The following MCC variants were observed in gnomAD, a reference collection of about 807,000 sequenced individuals.
MCC encodes the protein colorectal mutant cancer protein.
MCC carries 90 observed loss-of-function variants against 116.2 expected under a neutral mutation model. That is an observed-to-expected ratio of 0.77 (90% CI 0.65 to 0.92). The LOEUF is 0.92. Among genes scored for constraint, MCC ranks in the 40% least tolerant of loss-of-function variants. The pLI, the probability that MCC is intolerant of heterozygous loss-of-function variation, is 0.00. For synonymous variants in MCC, 578 were observed against 510.5 expected (o/e 1.13, Z -1.78); for missense variants, 1,516 against 1,312.2 (o/e 1.16, Z -2.40).
intron 3 of MCC, among the ~76,000 whole-genome samples, chr5:113,170,312 T>G (rs1761005527): frequency 6.6e-6 from 1 of 152,230 alleles, no homozygotes; most frequent in African/African-American, 2.4e-5. Flanking sequence ...GGACTTTACT[T>G]CTAATCCATG....
At chr5:113,183,045 G>A (rs1467886462) in intron 3 of MCC, among the ~76,000 whole-genome samples, 3 of 152,212 alleles carry the variant, frequency 2.0e-5, no homozygotes, top group Non-Finnish European at 4.4e-5. Flanking sequence ...GAGAGCTGGG[G>A]AGGGTGTCCA....
At chr5:113,294,489 T>C (rs1766643320) in intron 3 of MCC, 1 of 1,581,854 alleles carries the variant, frequency 6.3e-7, no homozygotes, top group Non-Finnish European at 8.6e-7. Context: ...TGCCACATTT[T>C]AGTCTAGACA....
At chr5:113,101,496 T>A (rs989871794) in intron 8 of MCC, 3 of 528,424 alleles carry the variant, frequency 5.7e-6, no homozygotes, top group Non-Finnish European at 1.0e-5. Context: ...CCCGATGTAA[T>A]TTTATCAACC....
intron 3 of MCC, among the ~76,000 whole-genome samples, chr5:113,220,608 T>C (rs1474955832): frequency 6.6e-6 from 1 of 152,226 alleles, no homozygotes; most frequent in African/African-American, 2.4e-5. Flanking sequence ...AGAATTTCAA[T>C]TTCTGATTGT....
intron 3 of MCC, among the ~76,000 whole-genome samples, chr5:113,192,223 T>A (rs1371869751): frequency 2.0e-5 from 3 of 152,132 alleles, no homozygotes. Flanking sequence ...ATACCTGAAA[T>A]GTTTTGGTAA....
chr5:113,075,722 C>T (rs548793266), intron 11 of MCC, among the ~76,000 whole-genome samples: 7 of 152,260 alleles, frequency 4.6e-5, no homozygotes, highest in South Asian at 4.1e-4. Flanking sequence ...GCAGGCTGCC[C>T]GAGCCAGCAG....
chr5:113,481,136 A>C (rs1388897920), intron 1 of MCC, among the ~76,000 whole-genome samples: 1 of 152,234 alleles, frequency 6.6e-6, no homozygotes, highest in Non-Finnish European at 1.5e-5. Context: ...TTGAATATGA[A>C]GAAGTTTTAG....
In MCC at chr5:113,333,846, T is replaced by TATATGTACATATGTAC. The variant is rs1767794211; in HGVS notation, c.627+6672_627+6673insGTACATATGTACATAT. Among the ~76,000 whole-genome samples, 51 of 62,624 alleles carry TATATGTACATATGTAC rather than the reference T, an allele frequency of 8.1e-4. 6 individuals are homozygous for TATATGTACATATGTAC. Among genetic ancestry groups the TATATGTACATATGTAC allele is most frequent in the African/African-American group, 3.0e-3 (44 of 14,472 alleles). 41.1% of individuals were successfully genotyped at this position (62,624 alleles called of 152,430 possible). On this transcript the variant is annotated intron_variant, in intron 3 of 18. Transcript: ENST00000408903. ...ATATATGTATATATGTATATATGTA[T>TATATGTACATATGTAC]ATATGTACATATATGTATATATGTA...
intron 1 of MCC, among the ~76,000 whole-genome samples, chr5:113,394,163 T>C (rs1402028627): frequency 6.6e-6 from 1 of 152,150 alleles, no homozygotes; most frequent in Non-Finnish European, 1.5e-5. Context: ...TACCATCCAG[T>C]CACCCATGCT....
rs566604015 is a variant in MCC at position 113,071,295 on chromosome 5, T to G, written c.1785-61A>C. 3.8e-6 allele frequency: 6 copies of G among 1,563,390 alleles called. No individual in the cohort carries two copies. In the African/African-American group the frequency reaches 6.8e-5, roughly 18 times the overall value. On this transcript the variant is annotated intron_variant, in intron 11 of 18. Coordinates refer to ENST00000408903, the MANE Select transcript of MCC (RefSeq NM_001085377.2). ...TACAGTTAATTTGCCAATATTTCAG[T>G]TGTCTCATTTATATTCAGGGCAGAA...
At chr5:113,101,416 T>A in intron 8 of MCC, 1 of 258,030 alleles carries the variant, frequency 3.9e-6, no homozygotes, top group Non-Finnish European at 7.4e-6. Flanking sequence ...AGACTATTAG[T>A]TTATCCTAAA....
chr5:113,130,100 G>A (rs1002521736), intron 5 of MCC, among the ~76,000 whole-genome samples: 6 of 152,238 alleles, frequency 3.9e-5, no homozygotes, highest in African/African-American at 1.4e-4. Context: ...GCCCATCAAG[G>A]ATAGACTGGA....
intron 3 of MCC, among the ~76,000 whole-genome samples, chr5:113,304,807 T>C (rs1446539268): frequency 6.6e-6 from 1 of 152,114 alleles, no homozygotes; most frequent in Non-Finnish European, 1.5e-5. Context: ...TACCTGCATA[T>C]GGTCAATTTC....
intron 1 of MCC, among the ~76,000 whole-genome samples, chr5:113,431,240 GGT>G (rs927109127): frequency 6.6e-6 from 1 of 152,132 alleles, no homozygotes; most frequent in Non-Finnish European, 1.5e-5. Context: ...AGTTGCATAT[GGT>G]AGGTGTATTA....
chr5:113,262,232 G>A (rs906258986), intron 3 of MCC, among the ~76,000 whole-genome samples: 10 of 151,996 alleles, frequency 6.6e-5, no homozygotes, highest in South Asian at 2.1e-4. Context: ...AAGCTCCACA[G>A]ATTGCTAGCA....
chr5:113,127,468 A>G lies in MCC; in HGVS notation c.885-4642T>C, dbSNP rs148126749. On this transcript the variant is annotated intron_variant, in intron 5 of 18. Transcript: ENST00000408903. ...ACTGAACTCATTTACACTCCCACCAACAGTGTGTAAGTATTCCCTTTTCTC... is the reference window on the plus strand; with the variant it reads ...ACTGAACTCATTTACACTCCCACCAGCAGTGTGTAAGTATTCCCTTTTCTC... Among the ~76,000 whole-genome samples, 150 of 152,258 alleles carry G rather than the reference A, an allele frequency of 9.9e-4. 1 individual carries two copies. The highest frequency in any genetic ancestry group is 3.4e-3 in the African/African-American group (143 of 41,554).
chr5:113,088,407 A>G (rs1755354800), intron 8 of MCC, among the ~76,000 whole-genome samples: 1 of 151,546 alleles, frequency 6.6e-6, no homozygotes, highest in Admixed American at 6.6e-5. Context: ...GGGTTGGATT[A>G]TGTCTCCCCC....
At chr5:113,404,407 A>G (rs1769775649) in intron 1 of MCC, among the ~76,000 whole-genome samples, 1 of 152,228 alleles carries the variant, frequency 6.6e-6, no homozygotes, top group Admixed American at 6.5e-5. Context: ...AGTCCTGGTC[A>G]CAGACAGAAA....
At chr5:113,323,704 T>A (rs1193095190) in intron 3 of MCC, among the ~76,000 whole-genome samples, 1 of 152,200 alleles carries the variant, frequency 6.6e-6, no homozygotes, top group East Asian at 1.9e-4. Context: ...TTTAGAAGAC[T>A]AATGCAATTC....
Sources: allele counts gnomAD v4.1 joint callset (sites outside exome capture counted in the v4.1 genomes callset), GRCh38; gene constraint gnomAD v4.1.1; transcripts MANE v1.5; gene names NCBI Gene and HGNC (gene_info 2026-07-23, HGNC 2026-07-21).